CFAP74: variants seen among roughly 807,000 people sequenced by gnomAD.
The protein encoded by CFAP74 is cilia- and flagella-associated protein 74.
Under a neutral mutation model 188.9 loss-of-function variants are expected in CFAP74, and 124 were observed. The ratio of observed to expected loss-of-function variants is 0.66; its 90% CI spans 0.57 to 0.76. The LOEUF (loss-of-function observed/expected upper bound fraction) is 0.76, where lower values mean the gene tolerates loss of function less well. Ranked by LOEUF, CFAP74 falls within the 30% of genes least tolerant of loss-of-function variation. CFAP74 has a pLI of 0.00. For missense variants in CFAP74, 2,198 were observed against 2,165.2 expected (o/e 1.02, Z -0.30); for synonymous variants, 956 against 916.7 (o/e 1.04, Z -0.77).
In CFAP74 at chr1:1,970,584, C is replaced by A. The variant is rs553441235; in HGVS notation, c.1046+75G>T. The A allele has an allele frequency of 3.3e-4, 491 of 1,484,808 alleles. 1 individual carries two copies. Among genetic ancestry groups the A allele is most frequent in the Non-Finnish European group, 4.2e-4 (462 of 1,102,692 alleles). The allele number at this position is 1,484,808 out of a possible 1,614,324, so 92.0% of individuals were successfully genotyped here. ...AGAGCAGCTTTGCTCAATGTGAAGC[C>A]GAACCCCCTTGGCTCTCCCTGCACC... On this transcript the variant is annotated intron_variant, in intron 10 of 38. Coordinates refer to ENST00000682832, the MANE Select transcript of CFAP74 (RefSeq NM_001304360.2).
chr1:1,933,481 A>G (rs969029537), intron 25 of CFAP74, among the ~76,000 whole-genome samples: 3 of 152,120 alleles, frequency 2.0e-5, no homozygotes, highest in Non-Finnish European at 4.4e-5. Flanking sequence ...CACCCGGCCC[A>G]ACTATTCAGG....
chr1:1,974,584 C>T (rs979919465), intron 6 of CFAP74, among the ~76,000 whole-genome samples: 3 of 151,882 alleles, frequency 2.0e-5, no homozygotes, highest in Admixed American at 2.0e-4. Context: ...GCAAATTGAC[C>T]GGCACCCAAG....
intron 9 of CFAP74, among the ~76,000 whole-genome samples, chr1:1,971,106 T>TGTGCACACACATGCTCACAC (rs1404311228): frequency 8.1e-6 from 1 of 123,924 alleles, no homozygotes; most frequent in African/African-American, 3.5e-5. Context: ...CCTGCACACG[T>TGTGCACACACATGCTCACAC]GTGCACACAC....
At position 1,928,735 on chromosome 1, in the gene CFAP74, C is replaced by T; in HGVS notation, c.3387+49G>A. On this transcript the variant is annotated intron_variant, in intron 27 of 38. Transcript: ENST00000682832. ...TCGAAGGCGGTGGAGTTTGTTCCTG[C>T]AACAGGCCCTTCCCCGACCTACGCC... 3 of 1,414,538 alleles carry T rather than the reference C, an allele frequency of 2.1e-6. No homozygotes were observed. In the South Asian group the frequency reaches 3.7e-5, roughly 18 times the overall value. 87.6% of individuals were successfully genotyped at this position (1,414,538 alleles called of 1,614,324 possible).
chr1:1,943,112 T>C (rs1653500770), intron 21 of CFAP74, among the ~76,000 whole-genome samples: 1 of 152,158 alleles, frequency 6.6e-6, no homozygotes, highest in Admixed American at 6.5e-5. Context: ...GGTTCCCTTA[T>C]GGGGCCAGAG....
At chr1:1,935,101 G>C (rs1308452254) in intron 25 of CFAP74, among the ~76,000 whole-genome samples, 1 of 89,872 alleles carries the variant, frequency 1.1e-5, no homozygotes, top group Admixed American at 1.3e-4. Flanking sequence ...GTACACAGGT[G>C]TGTACGTGGG....
intron 1 of CFAP74, 114 bp from the exon 2 acceptor site, chr1:1,991,089 A>C (rs1454500915): frequency 1.5e-6 from 1 of 680,576 alleles, no homozygotes; most frequent in Non-Finnish European, 2.5e-6. Context: ...ATTAGGAAAA[A>C]ATATTTGCAG....
chr1:1,948,933 T>TAC (rs1558014894), intron 18 of CFAP74, among the ~76,000 whole-genome samples: 2 of 113,144 alleles, frequency 1.8e-5, no homozygotes, highest in Admixed American at 8.4e-5. Context: ...TCCTTCCTCT[T>TAC]TCCTCCCTTC....
At chr1:1,991,458 C>CA (rs1657558442) in intron 1 of CFAP74, among the ~76,000 whole-genome samples, 2 of 152,262 alleles carry the variant, frequency 1.3e-5, no homozygotes, top group South Asian at 4.1e-4. Context: ...ACAACATTAG[C>CA]TGGGTGTGGT....
rs373083789 is a variant in CFAP74 at position 1,968,753 on chromosome 1, C to T, written c.1127G>A (p.Arg376Lys). The change falls in exon 11 of 39, where the codon AGG becomes AAG. Residue 376 changes from arginine to lysine, a missense_variant. Arg to Lys is a conservative substitution (Grantham distance 26, BLOSUM62 2). Coordinates refer to ENST00000682832, the MANE Select transcript of CFAP74 (RefSeq NM_001304360.2). This position sits in a 1 kb window ranked among gnomAD's most constrained non-coding sequence, Gnocchi z 4.3. ...ILKEEAEEEK[R>K]KKQHPPTSAR... ...ACTGGTGGGGGGATGCTGTTTCTTC[C>T]TCTTTTCCTCCTCAGCCTCCTCTTT... 2 of 1,613,776 alleles carry T rather than the reference C, an allele frequency of 1.2e-6. No individual in the cohort carries two copies. Among genetic ancestry groups the T allele is most frequent in the Non-Finnish European group, 1.7e-6 (2 of 1,179,782 alleles).
intron 1 of CFAP74, among the ~76,000 whole-genome samples, chr1:2,001,490 T>C (rs1347794169): frequency 5.9e-5 from 9 of 152,040 alleles, no homozygotes; most frequent in African/African-American, 1.4e-4. Flanking sequence ...CCACCACACC[T>C]GGCTAATTTT....
Position 1,974,014 on chromosome 1 carries a change from G to A in CFAP74, c.674+11C>T, listed in dbSNP as rs764516775. 12 of 1,545,738 alleles carry A rather than the reference G, an allele frequency of 7.8e-6. No homozygotes were observed. Among genetic ancestry groups the A allele is most frequent in the Non-Finnish European group, 8.8e-6 (10 of 1,140,810 alleles). ...TGGGAAGGGATGGAGGTGGGCCTGG[G>A]TGTCGCCTACCTGATCCTCAGCAGT... On this transcript the variant is annotated intron_variant, in intron 7 of 38. Transcript: ENST00000682832.
intron 16 of CFAP74, among the ~76,000 whole-genome samples, chr1:1,957,664 G>A (rs893493674): frequency 5.9e-5 from 9 of 152,180 alleles, no homozygotes; most frequent in Non-Finnish European, 8.8e-5. Flanking sequence ...GGGCCTCGCC[G>A]GGCACGTGCT....
At chr1:1,936,906 C>CAA (rs34360920) in intron 25 of CFAP74, among the ~76,000 whole-genome samples, 1,691 of 136,760 alleles carry the variant, frequency 0.012, 15 homozygotes, top group African/African-American at 0.034. Context: ...GACCCTGTCT[C>CAA]AAAAAAAAAA....
At chr1:1,932,993 C>T (rs1283962536) in intron 25 of CFAP74, among the ~76,000 whole-genome samples, 1 of 150,896 alleles carries the variant, frequency 6.6e-6, no homozygotes, top group Non-Finnish European at 1.5e-5. Context: ...TCACGCCATT[C>T]TCCTGCCTCA....
intron 25 of CFAP74, among the ~76,000 whole-genome samples, chr1:1,933,253 G>A (rs1652568092): frequency 6.9e-6 from 1 of 145,548 alleles, no homozygotes; most frequent in African/African-American, 2.6e-5. Context: ...GTGCAATCTC[G>A]GCTCACTGCA....
chr1:1,962,874 G>A (rs1349457370), intron 14 of CFAP74, among the ~76,000 whole-genome samples: 1 of 152,196 alleles, frequency 6.6e-6, no homozygotes, highest in Non-Finnish European at 1.5e-5. Flanking sequence ...GGGTGACAGA[G>A]CAAGACCCTG....
chr1:1,949,840 C>A (rs1385623805), intron 18 of CFAP74, among the ~76,000 whole-genome samples: 1 of 152,202 alleles, frequency 6.6e-6, no homozygotes, highest in East Asian at 1.9e-4. Context: ...ACGGCACTGC[C>A]TCTATCAAAG....
At position 1,970,767 on chromosome 1, in the gene CFAP74, G is replaced by C; in HGVS notation, c.938C>G (p.Ala313Gly). Reference sequence around the variant, plus strand: ...CTTCTCAGCCTGGACCCTCTGCTCCGCCAGCTCTGCCTTGGCACGGTCCCA... The same window carrying C: ...CTTCTCAGCCTGGACCCTCTGCTCCCCCAGCTCTGCCTTGGCACGGTCCCA... ...QAWDRAKAEL[A>G]EQRVQAEKKA... The change falls in exon 10 of 39, where the codon GCG (alanine) becomes GGG (glycine). Residue 313 changes from alanine to glycine, a missense_variant. Transcript: ENST00000682832. The C allele has an allele frequency of 6.2e-7, 1 of 1,614,114 alleles. No individual in the cohort carries two copies. Among genetic ancestry groups the C allele is most frequent in the Non-Finnish European group, 8.5e-7 (1 of 1,179,994 alleles).
Sources: allele counts gnomAD v4.1 joint callset (sites outside exome capture counted in the v4.1 genomes callset), GRCh38; gene constraint gnomAD v4.1.1; non-coding constraint Gnocchi (gnomAD v3.1); transcripts MANE v1.5; gene names NCBI Gene and HGNC (gene_info 2026-07-23, HGNC 2026-07-21).